The following HTT variants were observed in gnomAD, a reference collection of about 807,000 sequenced individuals.
The protein encoded by HTT is huntingtin.
A neutral mutation model predicts 362.3 loss-of-function variants in HTT; 104 were observed. The ratio of observed to expected loss-of-function variants is 0.29; its 90% CI spans 0.24 to 0.34. HTT has a LOEUF of 0.34. HTT is among the 10% of genes least tolerant of loss of function. HTT has a pLI of 1.00. For missense variants in HTT, 3,301 were observed against 3,928.6 expected, an observed-to-expected ratio of 0.84 and a Z score of 4.27; for synonymous variants, 1,577 against 1,548.7, an observed-to-expected ratio of 1.02 and a Z score of -0.43.
At chr4:3,094,304 T>C (rs1012953388) in intron 2 of HTT, among the ~76,000 whole-genome samples, 1 of 152,210 alleles carries the variant, frequency 6.6e-6, no homozygotes, top group East Asian at 1.9e-4. Flanking sequence ...TGGAGTGTCC[T>C]ATGTCTACTT....
At chr4:3,174,858 G>A in intron 32 of HTT, 59 bp downstream of exon 32, 1 of 1,569,076 alleles carries the variant, frequency 6.4e-7, no homozygotes, top group South Asian at 1.1e-5. Context: ...AGAGGAAACT[G>A]GAGCTGAGAC....
chr4:3,094,229 TG>T (rs1045120740), intron 2 of HTT, among the ~76,000 whole-genome samples: 5 of 152,026 alleles, frequency 3.3e-5, no homozygotes, highest in Non-Finnish European at 7.4e-5. Context: ...AGCACGGGGT[TG>T]GGGGTAAGGT....
In HTT at chr4:3,175,826, G is replaced by A. The variant is rs363137; in HGVS notation, c.4407+719G>A. 2.8e-4 allele frequency among the ~76,000 whole-genome samples: 43 copies of A among 152,136 alleles called. 3 individuals carry two copies. Among genetic ancestry groups the A allele is most frequent in the Admixed American group, 1.9e-3 (29 of 15,278 alleles). ...CCGTGATCTTGGGCTACTTTCTTAT[G>A]TGGGGTAGGAATATTTGTGAGTTAG... On this transcript the variant is annotated intron_variant, in intron 33 of 66. Coordinates refer to ENST00000355072, the MANE Select transcript of HTT (RefSeq NM_001388492.1).
At chr4:3,237,094 A>T (rs1721574300) in intron 64 of HTT, among the ~76,000 whole-genome samples, 1 of 150,980 alleles carries the variant, frequency 6.6e-6, no homozygotes, top group Admixed American at 6.6e-5. Context: ...TCTTTTTGAG[A>T]TGGAGTTTTT....
chr4:3,099,741 A>G (rs1211791804), intron 3 of HTT, among the ~76,000 whole-genome samples: 1 of 120,930 alleles, frequency 8.3e-6, no homozygotes, highest in South Asian at 2.6e-4. Context: ...CAGGTGCTCT[A>G]TTGTATGGTT....
chr4:3,142,335 T>C (rs1354904406), intron 22 of HTT, among the ~76,000 whole-genome samples: 1 of 152,230 alleles, frequency 6.6e-6, no homozygotes, highest in Non-Finnish European at 1.5e-5. Flanking sequence ...ATTTTTTGCC[T>C]TTTTTCCATG....
chr4:3,178,647 A>AT lies in HTT; in HGVS notation c.4612+202dup, dbSNP rs1353529675. On this transcript the variant is annotated intron_variant, in intron 35 of 66. Transcript: ENST00000355072. ...TATTCTTTACTCTCAGCAATTTGTAATCTTCTCAGGGAAAAAAATTCAAGA... is the reference window on the plus strand; with the variant it reads ...TATTCTTTACTCTCAGCAATTTGTAATTCTTCTCAGGGAAAAAAATTCAAGA... Among the ~76,000 whole-genome samples the AT allele has an allele frequency of 7.2e-5, 11 of 152,320 alleles. No homozygotes were observed. The East Asian group carries it at 9.6e-4, about 13-fold the overall frequency.
chr4:3,074,752 T>G lies in HTT; in HGVS notation c.-74T>G. The G allele has an allele frequency of 6.9e-7, 1 of 1,443,622 alleles. No homozygotes were observed. The highest frequency in any genetic ancestry group is 9.2e-7 in the Non-Finnish European group (1 of 1,087,742). The allele number at this position is 1,443,622 out of a possible 1,614,324, so 89.4% of individuals were successfully genotyped here. A position where few individuals can be genotyped will look rare whatever the true frequency, so the allele number is the denominator to read the frequency against. Reference sequence around the variant, plus strand: ...TACCTGCGGCCCAGAGCCCCATTCATTGCCCCGGTGCTGAGCGGCGCCGCG... The same window carrying G: ...TACCTGCGGCCCAGAGCCCCATTCAGTGCCCCGGTGCTGAGCGGCGCCGCG... On this transcript the variant is annotated 5_prime_UTR_variant, in exon 1 of 67. Coordinates refer to ENST00000355072, the MANE Select transcript of HTT (RefSeq NM_001388492.1).
Position 3,127,298 on chromosome 4 carries a change from T to G in HTT, c.1437T>G (p.Ala479=). 1.2e-6 allele frequency: 2 copies of G among 1,614,214 alleles called. No homozygotes were observed. Among genetic ancestry groups the G allele is most frequent in the Non-Finnish European group, 1.7e-6 (2 of 1,179,992 alleles). ...SVKDEISGEL[A]ASSGVSTPGS... is the part of the protein sequence containing the mutation. ...AGGATGAGATCAGTGGAGAGCTGGCTGCTTCTTCAGGGGTTTCCACTCCAG... is the reference window on the plus strand; with the variant it reads ...AGGATGAGATCAGTGGAGAGCTGGCGGCTTCTTCAGGGGTTTCCACTCCAG... The change falls in exon 12 of 67, where the codon GCT becomes GCG. Residue 479 remains alanine, a synonymous_variant. Transcript: ENST00000355072.
At chr4:3,185,059 A>T (rs1315380352) in intron 37 of HTT, among the ~76,000 whole-genome samples, 5 of 152,176 alleles carry the variant, frequency 3.3e-5, no homozygotes, top group Admixed American at 2.6e-4. Flanking sequence ...AAGGGAGCCA[A>T]ACCCTAATGG....
At position 3,125,622 on chromosome 4, in the gene HTT, C is replaced by G. The variant is rs1439772699; in HGVS notation, c.1395C>G (p.Ala465=). 7.4e-6 allele frequency: 12 copies of G among 1,611,484 alleles called. No individual in the cohort carries two copies. The highest frequency in any genetic ancestry group is 1.3e-5 in the African/African-American group (1 of 74,888). The part of the protein sequence containing the change: ...SESRSDVSSS[A]LTASVKDEIS... ...CGAGATCGGATGTCAGCAGCTCTGC[C>G]TTAACAGGTAGTTCTCACTAGTTAG... is the stretch of plus-strand genomic sequence containing the variant. Residue 465 remains alanine, a synonymous_variant, in exon 11 of 67, where the codon GCC becomes GCG. Transcript: ENST00000355072.
intron 8 of HTT, among the ~76,000 whole-genome samples, chr4:3,118,549 A>G (rs1715139804): frequency 6.6e-6 from 1 of 152,224 alleles, no homozygotes; most frequent in African/African-American, 2.4e-5. Context: ...CAGTGCTCAC[A>G]GCACACGAGT....
rs1560534996 is a variant in HTT, at chr4:3,074,921, GCAGCAGCAGCAGCAA to G, written c.101_115del (p.Gln34_Gln38del). ...AGCAGCAGCAGCAGCAGCAGCAGCAGCAGCAGCAGCAGCAACAGCCGCCACCGCCGCCGCCGCCGC... is the reference window on the plus strand; with the variant it reads ...AGCAGCAGCAGCAGCAGCAGCAGCAGCAGCCGCCACCGCCGCCGCCGCCGC... On this transcript the variant is annotated inframe_deletion, in exon 1 of 67. Coordinates refer to ENST00000355072, the MANE Select transcript of HTT (RefSeq NM_001388492.1). 6 of 1,459,088 alleles carry G rather than the reference GCAGCAGCAGCAGCAA, an allele frequency of 4.1e-6. No individual in the cohort carries two copies. In the South Asian group the frequency reaches 5.1e-5, roughly 12 times the overall value. The allele number at this position is 1,459,088 out of a possible 1,614,324, so 90.4% of individuals were successfully genotyped here.
At chr4:3,222,053 G>A (rs1720697816) in intron 53 of HTT, among the ~76,000 whole-genome samples, 1 of 152,256 alleles carries the variant, frequency 6.6e-6, no homozygotes, top group Non-Finnish European at 1.5e-5. Context: ...AGTGGCCCTG[G>A]CCCTGCACGA....
Position 3,230,189 on chromosome 4 carries a change from A to T in HTT, c.8265+147A>T, listed in dbSNP as rs1946952383. The T allele has an allele frequency of 7.7e-6, 5 of 647,540 alleles. No individual in the cohort carries two copies. The South Asian group carries it at 9.0e-5, about 12-fold the overall frequency. 40.1% of individuals were successfully genotyped at this position (647,540 alleles called of 1,614,324 possible). On this transcript the variant is annotated intron_variant, in intron 60 of 66. Coordinates refer to ENST00000355072, the MANE Select transcript of HTT (RefSeq NM_001388492.1). ...GGACTCCACGGCCCACGTGAGCTGC[A>T]GTGCTTCTCAGATGGAGGGGGTTCA...
intron 1 of HTT, among the ~76,000 whole-genome samples, chr4:3,075,647 C>CGGGGGGG (rs1560535774): frequency 3.2e-5 from 2 of 61,678 alleles, no homozygotes; most frequent in Non-Finnish European, 2.9e-5. Context: ...AGTGGCGGGG[C>CGGGGGGG]AGGGGGGGGG....
chr4:3,134,354 G>T, intron 18 of HTT, 47 bp from the exon 19 acceptor site: 1 of 1,580,004 alleles, frequency 6.3e-7, no homozygotes, highest in Admixed American at 1.8e-5. Context: ...CGCGGGTACT[G>T]AGTGGGACTA....
chr4:3,181,239 G>C (rs908412521), intron 36 of HTT, among the ~76,000 whole-genome samples: 3 of 152,176 alleles, frequency 2.0e-5, no homozygotes, highest in African/African-American at 7.2e-5. Flanking sequence ...CCTGGTCTGA[G>C]AGTCACGAGA....
At chr4:3,109,474 C>G (rs955441494) in intron 6 of HTT, among the ~76,000 whole-genome samples, 2 of 152,156 alleles carry the variant, frequency 1.3e-5, no homozygotes, top group Non-Finnish European at 2.9e-5. Flanking sequence ...ATCCTCCCAC[C>G]TCAGCCTCCC....
Sources: allele counts gnomAD v4.1 joint callset (sites outside exome capture counted in the v4.1 genomes callset), GRCh38; gene constraint gnomAD v4.1.1; transcripts MANE v1.5; gene names NCBI Gene and HGNC (gene_info 2026-07-23, HGNC 2026-07-21).